The following ZNF521 variants were observed in gnomAD, a reference collection of about 807,000 sequenced individuals.
The protein encoded by ZNF521 is zinc finger protein 521.
ZNF521 carries 14 observed loss-of-function variants against 105.5 expected under a neutral mutation model. The ratio of observed to expected loss-of-function variants is 0.13; its 90% CI spans 0.09 to 0.21. ZNF521 has a LOEUF of 0.21. ZNF521 is among the 10% of genes least tolerant of loss of function. The pLI is 1.00. For synonymous variants in ZNF521, 635 were observed against 606.0 expected (o/e 1.05, Z -0.70); for missense variants, 1,233 against 1,629.7 (o/e 0.76, Z 4.19).
intron 5 of ZNF521, among the ~76,000 whole-genome samples, chr18:25,133,968 C>G (rs2034686424): frequency 6.6e-6 from 1 of 152,054 alleles, no homozygotes; most frequent in African/African-American, 2.4e-5. Flanking sequence ...GGAACAGATC[C>G]AAAATCATGT....
At chr18:25,304,462 T>A (rs1911854821) in intron 3 of ZNF521, among the ~76,000 whole-genome samples, 1 of 152,232 alleles carries the variant, frequency 6.6e-6, no homozygotes, top group Non-Finnish European at 1.5e-5. Context: ...CGGTTTTTTG[T>A]GTGTGTGCAA....
At chr18:25,277,382 T>C (rs1264893534) in intron 3 of ZNF521, among the ~76,000 whole-genome samples, 3 of 152,144 alleles carry the variant, frequency 2.0e-5, no homozygotes, top group South Asian at 2.1e-4. Context: ...GTTTTTCATA[T>C]ATAGGAAGTA....
chr18:25,345,524 ATGTTTT>A (rs1914423477), intron 2 of ZNF521, among the ~76,000 whole-genome samples: 2 of 152,148 alleles, frequency 1.3e-5, no homozygotes, highest in South Asian at 2.1e-4. Context: ...CATAAAACAG[ATGTTTT>A]TGTTTTTAAG....
At chr18:25,205,537 A>G (rs2144666858) in intron 4 of ZNF521, among the ~76,000 whole-genome samples, 1 of 152,256 alleles carries the variant, frequency 6.6e-6, no homozygotes, top group Admixed American at 6.5e-5. Flanking sequence ...TACCAAAATA[A>G]GGAGCTACGG....
chr18:25,176,946 C>T (rs2144578223), intron 5 of ZNF521, among the ~76,000 whole-genome samples: 1 of 152,370 alleles, frequency 6.6e-6, no homozygotes, highest in East Asian at 1.9e-4. Context: ...ACTCCCAATA[C>T]TCGCTGTGAC....
intron 3 of ZNF521, among the ~76,000 whole-genome samples, chr18:25,236,170 A>G (rs954557668): frequency 6.6e-6 from 1 of 152,196 alleles, no homozygotes; most frequent in Non-Finnish European, 1.5e-5. Flanking sequence ...AACTCAAAGT[A>G]GTATCTGTTG....
chr18:25,252,869 C>T (rs1337075675), intron 3 of ZNF521, among the ~76,000 whole-genome samples: 1 of 152,094 alleles, frequency 6.6e-6, no homozygotes, highest in African/African-American at 2.4e-5. Flanking sequence ...CTGGCTTATA[C>T]AGGAGAGCAA....
At chr18:25,179,077 A>AATTTATTTCTT (rs1555643969) in intron 5 of ZNF521, among the ~76,000 whole-genome samples, 2 of 132,040 alleles carry the variant, frequency 1.5e-5, no homozygotes, top group Non-Finnish European at 3.3e-5. Flanking sequence ...AACCCTTTGA[A>AATTTATTTCTT]ATGTATTTCT....
chr18:25,294,656 A>G lies in ZNF521; in HGVS notation c.220+27352T>C, dbSNP rs148173231. ...CAGATCACAAGGTCAGGAGATCGAG[A>G]CCATCCTGGCCAACATGGTGAAACT... On this transcript the variant is annotated intron_variant, in intron 3 of 7. Coordinates refer to ENST00000361524, the MANE Select transcript of ZNF521 (RefSeq NM_015461.3). Among the ~76,000 whole-genome samples, 1,035 of 152,094 alleles carry G rather than the reference A, an allele frequency of 6.8e-3. 7 individuals are homozygous for G. The highest frequency in any genetic ancestry group is 0.011 in the Non-Finnish European group (749 of 67,966).
intron 6 of ZNF521, among the ~76,000 whole-genome samples, chr18:25,091,684 T>A (rs1003948305): frequency 1.3e-5 from 2 of 152,094 alleles, no homozygotes; most frequent in Non-Finnish European, 2.9e-5. Flanking sequence ...ACAACATGTA[T>A]GTAGTTTTCC....
chr18:25,123,167 A>G (rs1274595871), intron 5 of ZNF521, among the ~76,000 whole-genome samples: 1 of 151,828 alleles, frequency 6.6e-6, no homozygotes, highest in Non-Finnish European at 1.5e-5. Context: ...GTAAGTACAG[A>G]TAATTATTAG....
intron 3 of ZNF521, among the ~76,000 whole-genome samples, chr18:25,236,173 A>T (rs2144775611): frequency 6.6e-6 from 1 of 152,324 alleles, no homozygotes; most frequent in Admixed American, 6.5e-5. Flanking sequence ...TCAAAGTAGT[A>T]TCTGTTGTCT....
At chr18:25,348,742 T>G (rs921401587) in intron 2 of ZNF521, among the ~76,000 whole-genome samples, 5 of 152,234 alleles carry the variant, frequency 3.3e-5, no homozygotes, top group African/African-American at 9.6e-5. Context: ...TTTTGCAACA[T>G]GACGATAAAA....
chr18:25,308,585 C>T (rs868564791), intron 3 of ZNF521, among the ~76,000 whole-genome samples: 4 of 151,706 alleles, frequency 2.6e-5, no homozygotes, highest in African/African-American at 4.8e-5. Flanking sequence ...AACTCTTGCT[C>T]ATCACCAAAG....
intron 3 of ZNF521, among the ~76,000 whole-genome samples, chr18:25,238,626 C>A (rs1907092488): frequency 6.6e-6 from 1 of 152,194 alleles, no homozygotes; most frequent in African/African-American, 2.4e-5. Context: ...ATATTCCCTG[C>A]CACTGATTCA....
intron 3 of ZNF521, among the ~76,000 whole-genome samples, chr18:25,275,090 T>A (rs1909945488): frequency 6.6e-6 from 1 of 152,180 alleles, no homozygotes. Context: ...CAAAAAAACT[T>A]GCTATAGTGC....
intron 5 of ZNF521, among the ~76,000 whole-genome samples, chr18:25,183,487 A>T (rs1392847253): frequency 3.3e-5 from 5 of 152,156 alleles, no homozygotes; most frequent in Non-Finnish European, 5.9e-5. Flanking sequence ...TGTTGAACTC[A>T]TTTGTACCAC....
At chr18:25,210,514 C>T (rs959942087) in intron 4 of ZNF521, among the ~76,000 whole-genome samples, 3 of 152,128 alleles carry the variant, frequency 2.0e-5, no homozygotes, top group African/African-American at 4.8e-5. Context: ...TATAGGACTT[C>T]GCCTGCCACT....
At position 25,225,979 on chromosome 18, in the gene ZNF521, C is replaced by A. The variant is rs1280650264; in HGVS notation, c.1939G>T (p.Asp647Tyr). The change falls in exon 4 of 8, where the codon GAC becomes TAC. Residue 647 changes from aspartate (D) to tyrosine (Y), a missense_variant. Physicochemically the swap from Asp to Tyr is radical, Grantham distance 160. Coordinates refer to ENST00000361524, the MANE Select transcript of ZNF521 (RefSeq NM_015461.3). This position sits in a 1 kb window ranked among gnomAD's most constrained non-coding sequence, Gnocchi z 5.6. ...NQCGAKYTSLDSFQTHLKTHL... is the reference protein window; with the variant it reads ...NQCGAKYTSLYSFQTHLKTHL... Reference sequence around the variant, plus strand: ...GTTTTTAGGTGAGTCTGAAAGCTGTCTAGGGATGTGTACTTAGCACCACAT... The same window carrying A: ...GTTTTTAGGTGAGTCTGAAAGCTGTATAGGGATGTGTACTTAGCACCACAT... 1 of 1,614,154 alleles carries A rather than the reference C, an allele frequency of 6.2e-7. No homozygotes were observed. The highest frequency in any genetic ancestry group is 1.7e-5 in the Admixed American group (1 of 60,028).
Sources: allele counts gnomAD v4.1 joint callset (sites outside exome capture counted in the v4.1 genomes callset), GRCh38; gene constraint gnomAD v4.1.1; non-coding constraint Gnocchi (gnomAD v3.1); transcripts MANE v1.5; gene names NCBI Gene and HGNC (gene_info 2026-07-23, HGNC 2026-07-21).